The following PAFAH1B1 variants were observed in gnomAD, a reference collection of about 807,000 sequenced individuals.
The protein encoded by PAFAH1B1 is platelet activating factor acetylhydrolase 1b regulatory subunit 1, also known as platelet-activating factor acetylhydrolase IB subunit beta.
PAFAH1B1 carries 2 observed loss-of-function variants against 57.5 expected under a neutral mutation model. That is an observed-to-expected ratio of 0.03 (90% CI 0.01 to 0.11). The LOEUF (loss-of-function observed/expected upper bound fraction) is 0.11, where lower values mean the gene tolerates loss of function less well. PAFAH1B1 is among the 10% of genes least tolerant of loss of function. The pLI is 1.00. For synonymous variants in PAFAH1B1, 152 were observed against 169.6 expected, an observed-to-expected ratio of 0.90 and a Z score of 0.81; for missense variants, 257 against 512.0, an observed-to-expected ratio of 0.50 and a Z score of 4.81.
At position 2,670,337 on chromosome 17, in the gene PAFAH1B1, G is replaced by A. The variant is rs2069165081; in HGVS notation, c.568+6G>A. The A allele has an allele frequency of 1.9e-6, 3 of 1,611,388 alleles. No individual in the cohort carries two copies. The highest frequency in any genetic ancestry group is 2.7e-5 in the African/African-American group (2 of 74,968). ...ATGCATCAGAACCATGCACGGTAAG[G>A]GGTAGAGGATAGTGCTTTAACAGTA... is the stretch of plus-strand genomic sequence containing the variant. On this transcript the variant is annotated splice_donor_region_variant and intron_variant, in intron 6 of 10. Coordinates refer to ENST00000397195, the MANE Select transcript of PAFAH1B1 (RefSeq NM_000430.4).
At chr17:2,625,914 C>G (rs1175699621) in intron 1 of PAFAH1B1, among the ~76,000 whole-genome samples, 1 of 152,006 alleles carries the variant, frequency 6.6e-6, no homozygotes, top group African/African-American at 2.4e-5. Context: ...TGCTCTCTAG[C>G]CTGAGTGACA....
At chr17:2,655,129 T>G (rs1339076981) in intron 2 of PAFAH1B1, among the ~76,000 whole-genome samples, 2 of 151,686 alleles carry the variant, frequency 1.3e-5, no homozygotes, top group East Asian at 3.9e-4. Flanking sequence ...CTTTGGAAAT[T>G]TTTGATTTCC....
chr17:2,678,834 G>A (rs557844405), intron 9 of PAFAH1B1, among the ~76,000 whole-genome samples: 7 of 151,814 alleles, frequency 4.6e-5, no homozygotes, highest in African/African-American at 7.3e-5. Context: ...TTAGTGAGCC[G>A]TGATCATGCC....
chr17:2,602,604 TC>T (rs1243897366), intron 1 of PAFAH1B1, among the ~76,000 whole-genome samples: 2 of 152,172 alleles, frequency 1.3e-5, no homozygotes, highest in Admixed American at 1.3e-4. Flanking sequence ...TAATTTCACA[TC>T]GTCTCTCTAA....
chr17:2,671,349 T>C (rs1463939712), intron 6 of PAFAH1B1, among the ~76,000 whole-genome samples: 4 of 151,312 alleles, frequency 2.6e-5, no homozygotes, highest in Admixed American at 6.6e-5. Context: ...TCTAGGATTA[T>C]AGGCACGCGC....
intron 1 of PAFAH1B1, among the ~76,000 whole-genome samples, chr17:2,597,611 A>G (rs2068098439): frequency 6.6e-6 from 1 of 151,388 alleles, no homozygotes; most frequent in Admixed American, 6.6e-5. Flanking sequence ...GAGTTTCACC[A>G]TGTTGGTCAG....
chr17:2,597,676 T>G (rs1210797378), intron 1 of PAFAH1B1, among the ~76,000 whole-genome samples: 1 of 151,908 alleles, frequency 6.6e-6, no homozygotes, highest in Admixed American at 6.6e-5. Flanking sequence ...CTCAAAGTTC[T>G]GGAATTACAG....
At chr17:2,607,220 G>A (rs2068216019) in intron 1 of PAFAH1B1, among the ~76,000 whole-genome samples, 1 of 150,906 alleles carries the variant, frequency 6.6e-6, no homozygotes, top group African/African-American at 2.4e-5. Flanking sequence ...TGTCACCAGA[G>A]TGGAGTGCAG....
At chr17:2,614,414 A>G (rs757506074) in intron 1 of PAFAH1B1, among the ~76,000 whole-genome samples, 16 of 152,264 alleles carry the variant, frequency 1.1e-4, no homozygotes, top group East Asian at 1.9e-4. Context: ...AATACTTACT[A>G]TCTTTGCAGA....
intron 1 of PAFAH1B1, among the ~76,000 whole-genome samples, chr17:2,600,604 A>G (rs1181555359): frequency 6.6e-6 from 1 of 150,920 alleles, no homozygotes; most frequent in African/African-American, 2.4e-5. Flanking sequence ...AAGAAAGAAT[A>G]TGTTCTATGA....
intron 2 of PAFAH1B1, among the ~76,000 whole-genome samples, chr17:2,648,403 A>G (rs1268383405): frequency 6.6e-6 from 1 of 152,120 alleles, no homozygotes; most frequent in Admixed American, 6.5e-5. Context: ...ATGGCCGGGC[A>G]TGGTGGCTCA....
chr17:2,605,825 T>C (rs2068199142), intron 1 of PAFAH1B1, among the ~76,000 whole-genome samples: 1 of 152,316 alleles, frequency 6.6e-6, no homozygotes, highest in Non-Finnish European at 1.5e-5. Flanking sequence ...CTAGGAATGG[T>C]ACCTAGAACA....
intron 6 of PAFAH1B1, 59 bp downstream of exon 6, chr17:2,670,390 T>G: frequency 1.4e-6 from 2 of 1,424,102 alleles, no homozygotes; most frequent in Non-Finnish European, 2.0e-6. Flanking sequence ...TCAGAAGGAA[T>G]ATTGTTTCTA....
chr17:2,680,495 G>A (rs559844750), intron 10 of PAFAH1B1, among the ~76,000 whole-genome samples, 175 bp downstream of exon 10: 5 of 152,168 alleles, frequency 3.3e-5, no homozygotes, highest in African/African-American at 1.2e-4. Context: ...CTCCTTTCCC[G>A]TTAACTCTTT....
At chr17:2,673,113 A>G (rs1323103959) in intron 7 of PAFAH1B1, among the ~76,000 whole-genome samples, 3 of 152,178 alleles carry the variant, frequency 2.0e-5, no homozygotes, top group Admixed American at 6.5e-5. Flanking sequence ...TTTATAAAAA[A>G]CAAAATTGTG....
chr17:2,673,880 A>G lies in PAFAH1B1; in HGVS notation c.672-180A>G, dbSNP rs953448885. ...AGATGTTGATTTTATTAGCTCCTTA[A>G]TGATATGTCTGTTAGCTTATTGTTC... On this transcript the variant is annotated intron_variant, in intron 7 of 10. Coordinates refer to ENST00000397195, the MANE Select transcript of PAFAH1B1 (RefSeq NM_000430.4). 6.9e-5 allele frequency: 41 copies of G among 593,662 alleles called. 1 individual carries two copies. The highest frequency in any genetic ancestry group is 5.5e-4 in the South Asian group (26 of 47,550). 36.8% of individuals were successfully genotyped at this position (593,662 alleles called of 1,614,324 possible). A position where few individuals can be genotyped will look rare whatever the true frequency, so the allele number is the denominator to read the frequency against.
intron 8 of PAFAH1B1, 23 bp from the exon 9 acceptor site, chr17:2,676,482 A>G (rs1353205175): frequency 6.8e-7 from 1 of 1,470,534 alleles, no homozygotes. Flanking sequence ...TGGGAAACTT[A>G]ATTTTTATTA....
intron 1 of PAFAH1B1, among the ~76,000 whole-genome samples, chr17:2,600,951 C>T (rs1386409307): frequency 2.0e-5 from 3 of 151,936 alleles, no homozygotes; most frequent in African/African-American, 4.8e-5. Flanking sequence ...AGGCTGATCT[C>T]GAACTCCTGA....
chr17:2,664,580 T>C (rs2069071271), intron 2 of PAFAH1B1, among the ~76,000 whole-genome samples: 1 of 152,066 alleles, frequency 6.6e-6, no homozygotes, highest in Admixed American at 6.6e-5. Flanking sequence ...AATTTTTGTA[T>C]TTTTAGTGGA....
Sources: gnomAD v4.1 joint callset for allele counts (sites outside exome capture counted in the v4.1 genomes callset) on GRCh38, gnomAD v4.1.1 for gene constraint, MANE v1.5 for transcripts, NCBI Gene and HGNC (gene_info 2026-07-23, HGNC 2026-07-21) for gene names.